Variants in FMNL3 observed in about 807,000 individuals in gnomAD.
FMNL3 encodes the protein formin-like protein 3.
A neutral mutation model predicts 119.6 loss-of-function variants in FMNL3; 57 were observed. That is an observed-to-expected ratio of 0.48 (90% CI 0.39 to 0.59). FMNL3 has a LOEUF of 0.59. FMNL3 is among the 20% of genes least tolerant of loss of function. FMNL3 has a pLI of 0.00. For synonymous variants in FMNL3, 491 were observed against 507.3 expected, an observed-to-expected ratio of 0.97 and a Z score of 0.43; for missense variants, 1,053 against 1,323.5, an observed-to-expected ratio of 0.80 and a Z score of 3.17.
chr12:49,677,086 T>TA (rs1432642769), intron 1 of FMNL3, among the ~76,000 whole-genome samples: 1 of 152,182 alleles, frequency 6.6e-6, no homozygotes, highest in East Asian at 1.9e-4. Context: ...TTACCTCCTT[T>TA]CGAATTGCCA....
chr12:49,658,674 C>T, intron 5 of FMNL3, 80 bp from the exon 6 acceptor site: 1 of 1,455,152 alleles, frequency 6.9e-7, no homozygotes, highest in Non-Finnish European at 9.1e-7. Context: ...CCCGTGAGCC[C>T]ACCCCCACCC....
chr12:49,669,944 T>C (rs1302759082), intron 1 of FMNL3, among the ~76,000 whole-genome samples: 1 of 152,252 alleles, frequency 6.6e-6, no homozygotes, highest in East Asian at 1.9e-4. Context: ...CCTCGTAATC[T>C]TGAATCAAAT....
intron 1 of FMNL3, among the ~76,000 whole-genome samples, chr12:49,699,760 G>T (rs181103672): frequency 1.9e-3 from 291 of 152,224 alleles, no homozygotes; most frequent in Middle Eastern, 6.8e-3. Flanking sequence ...AGCAAAGAAC[G>T]CAAATAAAAG....
At chr12:49,665,364 T>C (rs530391345) in intron 4 of FMNL3, among the ~76,000 whole-genome samples, 2 of 152,348 alleles carry the variant, frequency 1.3e-5, no homozygotes, top group African/African-American at 4.8e-5. Flanking sequence ...AGGAAGCTTC[T>C]GCTCATGAAC....
intron 25 of FMNL3, chr12:49,646,560 G>A (rs1943197512): frequency 8.7e-7 from 1 of 1,154,498 alleles, no homozygotes; most frequent in African/African-American, 1.6e-5. Context: ...AAGTCATGCA[G>A]GAAAGAAGGT....
intron 1 of FMNL3, among the ~76,000 whole-genome samples, chr12:49,695,000 C>A (rs1944714429): frequency 6.6e-6 from 1 of 150,978 alleles, no homozygotes; most frequent in South Asian, 2.1e-4. Context: ...CTTTTAATTA[C>A]ATAACTAATA....
chr12:49,658,697 G>A, intron 5 of FMNL3, 103 bp from the exon 6 acceptor site: 2 of 1,352,830 alleles, frequency 1.5e-6, no homozygotes. Context: ...CAGGCCTCTA[G>A]GGCAACAAGC....
At position 49,638,000 on chromosome 12, in the gene FMNL3, A is replaced by G; in HGVS notation, c.*7815T>C. 4 of 596,296 alleles carry G rather than the reference A, an allele frequency of 6.7e-6. No homozygotes were observed. In the South Asian group the frequency reaches 8.5e-5, roughly 13 times the overall value. 36.9% of individuals were successfully genotyped at this position (596,296 alleles called of 1,614,324 possible). A position where few individuals can be genotyped will look rare whatever the true frequency, so the allele number is the denominator to read the frequency against. On this transcript the variant is annotated 3_prime_UTR_variant, in exon 26 of 26. Transcript: ENST00000335154. ...GTAATGAATACACAATTTCTACCAC[A>G]GGAGCTCATGGTCTAATAGGAAGAT... is the stretch of plus-strand genomic sequence containing the variant.
At chr12:49,674,171 T>C (rs984766521) in intron 1 of FMNL3, among the ~76,000 whole-genome samples, 20 of 152,250 alleles carry the variant, frequency 1.3e-4, no homozygotes, top group African/African-American at 4.8e-4. Context: ...CATCCTCCTC[T>C]CCAGAGCTCG....
chr12:49,689,806 T>C (rs150296441), intron 1 of FMNL3, among the ~76,000 whole-genome samples: 28 of 152,324 alleles, frequency 1.8e-4, no homozygotes, highest in African/African-American at 5.8e-4. Flanking sequence ...ACTCCTCTAT[T>C]CCAGCAGCAG....
At chr12:49,700,846 G>A (rs193157006) in intron 1 of FMNL3, among the ~76,000 whole-genome samples, 11 of 151,856 alleles carry the variant, frequency 7.2e-5, no homozygotes, top group Non-Finnish European at 1.5e-4. Flanking sequence ...TTGGGAGGCC[G>A]AGGTGGGTAG....
intron 4 of FMNL3, among the ~76,000 whole-genome samples, chr12:49,663,679 C>T (rs1943803674): frequency 6.6e-6 from 1 of 152,234 alleles, no homozygotes; most frequent in South Asian, 2.1e-4. Flanking sequence ...AGGCCCCAGG[C>T]CTGGGAACCA....
intron 1 of FMNL3, among the ~76,000 whole-genome samples, chr12:49,679,566 A>G (rs1221378505): frequency 3.8e-5 from 5 of 130,764 alleles, no homozygotes; most frequent in Non-Finnish European, 7.8e-5. Context: ...TCACTCCATC[A>G]CACAGGCTGG....
At chr12:49,654,434 CTT>C in intron 10 of FMNL3, 132 bp from the exon 11 acceptor site, 2 of 640,978 alleles carry the variant, frequency 3.1e-6, no homozygotes, top group Non-Finnish European at 5.5e-6. Context: ...AGAGTTAAGT[CTT>C]TATGGGGGCA....
At chr12:49,669,597 C>G (rs190553153) in intron 1 of FMNL3, among the ~76,000 whole-genome samples, 3 of 152,212 alleles carry the variant, frequency 2.0e-5, no homozygotes, top group Admixed American at 2.0e-4. Flanking sequence ...TTTGGGAGGC[C>G]GAGGTGGGCG....
chr12:49,648,484 A>G, intron 21 of FMNL3, 131 bp from the exon 22 acceptor site: 1 of 925,408 alleles, frequency 1.1e-6, no homozygotes, highest in South Asian at 2.1e-5. Context: ...GTATGGACAT[A>G]AGGAAGTACA....
chr12:49,700,480 C>G (rs539725379), intron 1 of FMNL3, among the ~76,000 whole-genome samples: 5 of 151,056 alleles, frequency 3.3e-5, no homozygotes, highest in African/African-American at 9.7e-5. Context: ...TTTGGGAGGC[C>G]GAGGCAGGTG....
At chr12:49,653,378 C>T (rs903260554) in intron 12 of FMNL3, 51 bp from the exon 13 acceptor site, 3 of 1,582,360 alleles carry the variant, frequency 1.9e-6, no homozygotes, top group Non-Finnish European at 2.6e-6. Flanking sequence ...CCTGGGCACT[C>T]AGCACAGCCT....
At position 49,651,162 on chromosome 12, in the gene FMNL3, T is replaced by C. The variant is rs774629906; in HGVS notation, c.1797+6A>G. The C allele has an allele frequency of 6.2e-7, 1 of 1,612,066 alleles. No individual in the cohort carries two copies. The highest frequency in any genetic ancestry group is 8.5e-7 in the Non-Finnish European group (1 of 1,178,212). On this transcript the variant is annotated splice_donor_region_variant and intron_variant, in intron 16 of 25. Transcript: ENST00000335154. ...CCTTAGCCCTCTGGACCCCAGGCCC[T>C]GTTACCTCCAAGATCTTCTCATCAT...
Sources: gnomAD v4.1 joint callset for allele counts (sites outside exome capture counted in the v4.1 genomes callset) on GRCh38, gnomAD v4.1.1 for gene constraint, MANE v1.5 for transcripts, NCBI Gene and HGNC (gene_info 2026-07-23, HGNC 2026-07-21) for gene names.